ATP6V0E1: variants seen among roughly 807,000 people sequenced by gnomAD.
ATP6V0E1 encodes the protein V-type proton ATPase subunit e 1.
Under a neutral mutation model 11.6 loss-of-function variants are expected in ATP6V0E1, and 4 were observed. The ratio of observed to expected loss-of-function variants is 0.35; its 90% confidence interval spans 0.17 to 0.79. The LOEUF (loss-of-function observed/expected upper bound fraction) is 0.79. ATP6V0E1 is among the 30% of genes least tolerant of loss of function. The pLI, the probability that ATP6V0E1 is intolerant of heterozygous loss-of-function variation, is 0.54. For missense variants in ATP6V0E1, 105 were observed against 100.0 expected, an observed-to-expected ratio of 1.05 and a Z score of -0.21; for synonymous variants, 36 against 34.8, an observed-to-expected ratio of 1.04 and a Z score of -0.13.
chr5:173,027,408 A>G (rs917844279), intron 3 of ATP6V0E1, among the ~76,000 whole-genome samples: 6 of 150,210 alleles, frequency 4.0e-5, no homozygotes, highest in Non-Finnish European at 8.9e-5. Context: ...AGGCTGAGGC[A>G]GGAGAATGGC....
chr5:172,988,728 GC>G (rs1755935552), intron 1 of ATP6V0E1, among the ~76,000 whole-genome samples: 1 of 152,020 alleles, frequency 6.6e-6, no homozygotes, highest in African/African-American at 2.4e-5. Flanking sequence ...TTCCTCTGTT[GC>G]CCAGTCTGGA....
chr5:172,992,541 C>T (rs1177543328), intron 1 of ATP6V0E1, among the ~76,000 whole-genome samples: 7 of 152,098 alleles, frequency 4.6e-5, no homozygotes, highest in African/African-American at 1.7e-4. Flanking sequence ...CTGGAACACT[C>T]CGTCACCTTG....
chr5:172,999,695 A>C (rs918888701), intron 2 of ATP6V0E1, among the ~76,000 whole-genome samples: 2 of 152,184 alleles, frequency 1.3e-5, no homozygotes, highest in African/African-American at 4.8e-5. Flanking sequence ...TCTAGACATT[A>C]GTCCATTTTT....
intron 2 of ATP6V0E1, among the ~76,000 whole-genome samples, chr5:173,003,050 G>T (rs934942926): frequency 2.6e-5 from 4 of 152,078 alleles, no homozygotes; most frequent in Non-Finnish European, 5.9e-5. Flanking sequence ...AAGTAGCTTG[G>T]AATGTTCTGG....
At chr5:172,986,463 A>T (rs572202789) in intron 1 of ATP6V0E1, among the ~76,000 whole-genome samples, 97 of 152,024 alleles carry the variant, frequency 6.4e-4, no homozygotes, top group African/African-American at 2.2e-3. Flanking sequence ...TCTGAAAAAA[A>T]TTTTTTTTAA....
chr5:173,016,228 TCTGATG>T (rs972550256), intron 2 of ATP6V0E1, among the ~76,000 whole-genome samples: 22 of 152,182 alleles, frequency 1.4e-4, no homozygotes, highest in Admixed American at 1.4e-3. Context: ...CCCTGTGAGA[TCTGATG>T]CTGATGCTAC....
intron 3 of ATP6V0E1, among the ~76,000 whole-genome samples, 173 bp from the exon 4 acceptor site, chr5:173,034,226 A>G (rs1756706620): frequency 6.6e-6 from 1 of 152,202 alleles, no homozygotes; most frequent in South Asian, 2.1e-4. Context: ...ACCTTTTGCC[A>G]CAGCCCTGCA....
At chr5:173,031,493 A>T (rs989575834) in intron 3 of ATP6V0E1, among the ~76,000 whole-genome samples, 1 of 137,200 alleles carries the variant, frequency 7.3e-6, no homozygotes, top group Non-Finnish European at 1.5e-5. Context: ...CCCCACCCCC[A>T]GTCAGCTATT....
chr5:173,017,583 C>CTG, intron 2 of ATP6V0E1, among the ~76,000 whole-genome samples: 1 of 150,548 alleles, frequency 6.6e-6, no homozygotes, highest in South Asian at 2.1e-4. Flanking sequence ...TGGCTCACGC[C>CTG]TGTAATCCCA....
intron 2 of ATP6V0E1, among the ~76,000 whole-genome samples, chr5:172,996,549 G>A (rs542234962): frequency 3.3e-5 from 5 of 149,496 alleles, no homozygotes; most frequent in Non-Finnish European, 5.9e-5. Context: ...GCGACAGAGC[G>A]AGACTCCGCC....
intron 2 of ATP6V0E1, among the ~76,000 whole-genome samples, chr5:173,019,424 G>A (rs531097133): frequency 1.4e-4 from 21 of 152,126 alleles, no homozygotes; most frequent in African/African-American, 4.6e-4. Context: ...GCGTGGTGGC[G>A]GGCGCCTGTA....
intron 2 of ATP6V0E1, among the ~76,000 whole-genome samples, chr5:173,001,572 C>A (rs1223369623): frequency 6.6e-6 from 1 of 152,164 alleles, no homozygotes; most frequent in Admixed American, 6.5e-5. Context: ...TTCCCAGGGG[C>A]CTGGGTGCAC....
intron 3 of ATP6V0E1, among the ~76,000 whole-genome samples, chr5:173,032,444 A>G (rs1756679910): frequency 1.3e-5 from 2 of 151,698 alleles, no homozygotes; most frequent in African/African-American, 4.8e-5. Flanking sequence ...ATGCACCACT[A>G]CAGCTGGCTA....
rs1305803255 is a variant in ATP6V0E1 at position 172,983,853 on chromosome 5, C to T, written c.-8C>T. 7 of 1,613,110 alleles carry T rather than the reference C, an allele frequency of 4.3e-6. No individual in the cohort carries two copies. Among genetic ancestry groups the T allele is most frequent in the African/African-American group, 1.3e-5 (1 of 74,926 alleles). ...GACGGGGTAGGGGTTGGCGCTCAGG[C>T]GGCGACCATGGCGTATCACGGCCTC... On this transcript the variant is annotated 5_prime_UTR_variant, in exon 1 of 4. Transcript: ENST00000519374.
In ATP6V0E1 at chr5:173,032,256, TA is replaced by T. The variant is rs1554120258; in HGVS notation, c.*37-2142del. 5.8e-3 allele frequency among the ~76,000 whole-genome samples: 587 copies of T among 100,522 alleles called. 2 individuals are homozygous for T. Among genetic ancestry groups the T allele is most frequent in the African/African-American group, 0.012 (298 of 25,306 alleles). 65.9% of individuals were successfully genotyped at this position (100,522 alleles called of 152,430 possible). Reference sequence around the variant, plus strand: ...ACATTTACTTTTATTTTATTTTATTTATTTATTTATTTATTTATTTATTTAT... The same window carrying T: ...ACATTTACTTTTATTTTATTTTATTTTTTATTTATTTATTTATTTATTTAT... On this transcript the variant is annotated intron_variant, in intron 3 of 3. Coordinates refer to ENST00000519374, the MANE Select transcript of ATP6V0E1 (RefSeq NM_003945.4).
chr5:172,995,307 G>T (rs879550173), intron 2 of ATP6V0E1, among the ~76,000 whole-genome samples: 1 of 152,116 alleles, frequency 6.6e-6, no homozygotes, highest in Admixed American at 6.5e-5. Context: ...TTGCCATGTT[G>T]GCCAGGCTGG....
chr5:173,025,912 T>A (rs1756551727), intron 3 of ATP6V0E1, among the ~76,000 whole-genome samples: 1 of 152,168 alleles, frequency 6.6e-6, no homozygotes, highest in African/African-American at 2.4e-5. Context: ...TAATCCCAGC[T>A]GTTTGGTGCG....
intron 3 of ATP6V0E1, among the ~76,000 whole-genome samples, chr5:173,025,917 G>C (rs1756551819): frequency 6.6e-6 from 1 of 152,126 alleles, no homozygotes; most frequent in Non-Finnish European, 1.5e-5. Flanking sequence ...CCAGCTGTTT[G>C]GTGCGGTGAG....
chr5:173,007,047 T>C (rs1756240611), intron 2 of ATP6V0E1, among the ~76,000 whole-genome samples: 1 of 152,174 alleles, frequency 6.6e-6, no homozygotes, highest in South Asian at 2.1e-4. Flanking sequence ...AAAGGAAAGG[T>C]ATTTCAAGTT....
Sources: allele counts gnomAD v4.1 joint callset (sites outside exome capture counted in the v4.1 genomes callset), GRCh38; gene constraint gnomAD v4.1.1; transcripts MANE v1.5; gene names NCBI Gene and HGNC (gene_info 2026-07-23, HGNC 2026-07-21).